Variants in ESRP1 observed in about 807,000 individuals in gnomAD.
ESRP1 encodes the protein RNA-binding motif protein 35A.
In ESRP1, 33 loss-of-function variants were observed where a neutral mutation model predicts 81.7. That is an observed-to-expected ratio of 0.40 (90% CI 0.31 to 0.54). The LOEUF (loss-of-function observed/expected upper bound fraction) is 0.54. Among genes scored for constraint, ESRP1 ranks in the 20% least tolerant of loss-of-function variants. ESRP1 has a pLI of 0.41. For missense variants in ESRP1, 672 were observed against 833.1 expected (o/e 0.81, Z 2.38); for synonymous variants, 320 against 303.3 (o/e 1.06, Z -0.57).
At chr8:94,678,540 A>G (rs1266565437) in intron 13 of ESRP1, among the ~76,000 whole-genome samples, 169 bp downstream of exon 13, 1 of 152,238 alleles carries the variant, frequency 6.6e-6, no homozygotes, top group African/African-American at 2.4e-5. Context: ...ACAAAGCAAA[A>G]GCAGTATAGT....
Position 94,668,073 on chromosome 8 carries a change from T to A in ESRP1, c.1056T>A (p.Ile352=). Residue 352 remains isoleucine (I), a synonymous_variant, in exon 10 of 16, where the codon ATT becomes ATA. Coordinates refer to ENST00000433389, the MANE Select transcript of ESRP1 (RefSeq NM_017697.4). ...CCTTCTTTGGACAGCATTGCCCTAT[T>A]ACTGGGGGAAAGGAAGGCATCCTCT... ...VVAFFGQHCP[I]TGGKEGILFV... is the part of the protein sequence containing the mutation. The A allele has an allele frequency of 6.2e-7, 1 of 1,613,996 alleles. No homozygotes were observed. The highest frequency in any genetic ancestry group is 1.1e-5 in the South Asian group (1 of 91,082).
chr8:94,678,359 C>T lies in ESRP1; in HGVS notation c.1808C>T (p.Ala603Val), dbSNP rs747676832. Residue 603 changes from alanine (A) to valine (V), a missense_variant, in exon 13 of 16, where the codon GCG (alanine) becomes GTG (valine). Physicochemically the swap from Ala to Val is moderately conservative, Grantham distance 64. Coordinates refer to ENST00000433389, the MANE Select transcript of ESRP1 (RefSeq NM_017697.4). ...ACTCAGCTCTTCATGAATTACACAGCGTACTATCCCAGGTAAGGCTCTGAC... is the reference window on the plus strand; with the variant it reads ...ACTCAGCTCTTCATGAATTACACAGTGTACTATCCCAGGTAAGGCTCTGAC... ...AGTQLFMNYT[A>V]YYPSPPGSPN... 1.5e-5 allele frequency: 25 copies of T among 1,613,172 alleles called. No individual in the cohort carries two copies. The highest frequency in any genetic ancestry group is 2.2e-5 in the East Asian group (1 of 44,874).
intron 10 of ESRP1, among the ~76,000 whole-genome samples, chr8:94,669,874 CA>C (rs1263306176): frequency 0.26 from 23,644 of 89,624 alleles, 2,052 homozygotes; most frequent in Middle Eastern, 0.33. Context: ...CTCCCGCTAC[CA>C]AAAAAAAAAA....
At chr8:94,673,363 G>A (rs1013373034) in intron 11 of ESRP1, among the ~76,000 whole-genome samples, 3 of 152,126 alleles carry the variant, frequency 2.0e-5, no homozygotes, top group Non-Finnish European at 2.9e-5. Flanking sequence ...CAAACTCTTA[G>A]GTGCCTTGAG....
At chr8:94,657,556 C>A (rs1006169493) in intron 4 of ESRP1, among the ~76,000 whole-genome samples, 1 of 151,218 alleles carries the variant, frequency 6.6e-6, no homozygotes, top group Non-Finnish European at 1.5e-5. Context: ...CAAGTTGTTA[C>A]ACAGCTCAGC....
intron 13 of ESRP1, among the ~76,000 whole-genome samples, chr8:94,689,249 C>CAA (rs56220336): frequency 0.037 from 3,571 of 97,596 alleles, 115 homozygotes; most frequent in African/African-American, 0.088. Flanking sequence ...ACTCAGTCTC[C>CAA]AAAAAAAAAA....
chr8:94,689,563 A>G (rs1404117805), intron 13 of ESRP1, among the ~76,000 whole-genome samples: 1 of 151,730 alleles, frequency 6.6e-6, no homozygotes, highest in African/African-American at 2.4e-5. Context: ...ATAAGTTCAT[A>G]TTTGTCTTTA....
chr8:94,702,406 A>G (rs1284917556), intron 15 of ESRP1, among the ~76,000 whole-genome samples: 2 of 152,216 alleles, frequency 1.3e-5, no homozygotes, highest in Non-Finnish European at 2.9e-5. Flanking sequence ...ATAACACAGT[A>G]TTTACCTCTG....
chr8:94,699,063 GT>G (rs1382493656), intron 15 of ESRP1, among the ~76,000 whole-genome samples: 32 of 152,012 alleles, frequency 2.1e-4, no homozygotes, highest in Admixed American at 1.2e-3. Context: ...CATGTTCATT[GT>G]TGAACACCAT....
chr8:94,677,002 C>A (rs1010479077), intron 12 of ESRP1, among the ~76,000 whole-genome samples: 10 of 151,892 alleles, frequency 6.6e-5, no homozygotes, highest in Non-Finnish European at 1.2e-4. Flanking sequence ...AAAAAAAATT[C>A]AAGAAATCAG....
chr8:94,695,371 T>TTTC (rs1351009238), intron 14 of ESRP1, among the ~76,000 whole-genome samples: 21,370 of 111,326 alleles, frequency 0.19, 3,120 homozygotes, highest in Non-Finnish European at 0.22. Context: ...TTTTTTTTTT[T>TTTC]TGAGACGGAG....
chr8:94,706,639 G>A lies in ESRP1; in HGVS notation c.*750G>A, dbSNP rs1810079469. The A allele has an allele frequency of 6.6e-6, 1 of 152,598 alleles. No homozygotes were observed. Among genetic ancestry groups the A allele is most frequent in the Non-Finnish European group, 1.5e-5 (1 of 68,028 alleles). 9.5% of individuals were successfully genotyped at this position (152,598 alleles called of 1,614,324 possible). On this transcript the variant is annotated 3_prime_UTR_variant, in exon 16 of 16. Transcript: ENST00000433389. ...ACGAAAAATGAAGCAGCTACATGTA[G>A]TTAGTAATTTCTAGTTTGAACTGTA...
At chr8:94,653,319 A>G (rs1196174575) in intron 4 of ESRP1, among the ~76,000 whole-genome samples, 1 of 152,160 alleles carries the variant, frequency 6.6e-6, no homozygotes, top group Non-Finnish European at 1.5e-5. Flanking sequence ...GGATAATAGG[A>G]TAGTAGTTAA....
In ESRP1 at chr8:94,701,600, C is replaced by CTT. The variant is rs138221103; in HGVS notation, c.*36-4316_*36-4315dup. On this transcript the variant is annotated intron_variant, in intron 15 of 15. Coordinates refer to ENST00000433389, the MANE Select transcript of ESRP1 (RefSeq NM_017697.4). ...AAGTTGCTTTCTTCTTTTTCTTTTT[C>CTT]TTTTTTTTTTCTTTTTTTTGTCCCC... is the stretch of plus-strand genomic sequence containing the variant. Among the ~76,000 whole-genome samples, 6 of 149,056 alleles carry CTT rather than the reference C, an allele frequency of 4.0e-5. No individual in the cohort carries two copies. The South Asian group carries it at 1.3e-3, about 32-fold the overall frequency.
intron 6 of ESRP1, among the ~76,000 whole-genome samples, chr8:94,663,703 TAG>T (rs1423930334): frequency 6.6e-6 from 1 of 152,154 alleles, no homozygotes; most frequent in Non-Finnish European, 1.5e-5. Flanking sequence ...GCTTTGCCCA[TAG>T]AGAGAGACTT....
chr8:94,679,547 AG>A (rs1322648529), intron 13 of ESRP1, among the ~76,000 whole-genome samples: 1 of 152,330 alleles, frequency 6.6e-6, no homozygotes, highest in African/African-American at 2.4e-5. Flanking sequence ...TGGTACAGGA[AG>A]GAGTTTCTTG....
In ESRP1 at chr8:94,662,337, A is replaced by C. The variant is rs1211799473; in HGVS notation, c.556A>C (p.Asn186His). Residue 186 changes from asparagine (N) to histidine (H), a missense_variant, in exon 5 of 16, where the codon AAT becomes CAT. Transcript: ENST00000433389. ...AGCCTCTCAAGTTGAAGATATGGGG[A>C]ATATAATTTTAGCAATGATTTCAGA... ...YGASQVEDMG[N>H]IILAMISEPY... 6.3e-7 allele frequency: 1 copy of C among 1,584,860 alleles called. No individual in the cohort carries two copies. The highest frequency in any genetic ancestry group is 8.6e-7 in the Non-Finnish European group (1 of 1,164,134).
intron 11 of ESRP1, among the ~76,000 whole-genome samples, chr8:94,673,614 AG>A (rs1270215378): frequency 6.6e-6 from 1 of 152,238 alleles, no homozygotes; most frequent in African/African-American, 2.4e-5. Flanking sequence ...GGTTTGAAAT[AG>A]GGGGTTTTAG....
chr8:94,683,005 C>T (rs1397445266), intron 13 of ESRP1, among the ~76,000 whole-genome samples: 2 of 120,568 alleles, frequency 1.7e-5, no homozygotes, highest in African/African-American at 3.3e-5. Flanking sequence ...AATGCAGTGG[C>T]ACAATCTCAG....
Sources: gnomAD v4.1 joint callset for allele counts (sites outside exome capture counted in the v4.1 genomes callset) on GRCh38, gnomAD v4.1.1 for gene constraint, MANE v1.5 for transcripts, NCBI Gene and HGNC (gene_info 2026-07-23, HGNC 2026-07-21) for gene names.